The following UHRF1 variants were observed in gnomAD, a reference collection of about 807,000 sequenced individuals.
UHRF1 encodes E3 ubiquitin-protein ligase UHRF1.
UHRF1 carries 9 observed loss-of-function variants against 96.5 expected under a neutral mutation model. That is an observed-to-expected ratio of 0.09 (90% confidence interval 0.06 to 0.16). The LOEUF (loss-of-function observed/expected upper bound fraction) is 0.16. Among genes scored for constraint, UHRF1 ranks in the 10% least tolerant of loss-of-function variants. The pLI, the probability that UHRF1 is intolerant of heterozygous loss-of-function variation, is 1.00. For synonymous variants in UHRF1, 455 were observed against 469.9 expected, an observed-to-expected ratio of 0.97 and a Z score of 0.41; for missense variants, 626 against 1,131.1, an observed-to-expected ratio of 0.55 and a Z score of 6.40.
At chr19:4,948,101 C>CA (rs545933981) in intron 11 of UHRF1, among the ~76,000 whole-genome samples, 2,481 of 74,994 alleles carry the variant, frequency 0.033, 69 homozygotes, top group East Asian at 0.14. Context: ...GAGATCTTGT[C>CA]AAAAAAAAAA....
chr19:4,935,755 G>T (rs1279544934), intron 5 of UHRF1, among the ~76,000 whole-genome samples: 1 of 152,078 alleles, frequency 6.6e-6, no homozygotes, highest in Non-Finnish European at 1.5e-5. Flanking sequence ...TATTTTATGG[G>T]TTAGGTTTAA....
chr19:4,903,100 C>T (rs1343550193), exon 1 of UHRF1: 3 of 422,570 alleles, frequency 7.1e-6, no homozygotes, highest in Non-Finnish European at 1.3e-5. Flanking sequence ...CATCTTGGCT[C>T]ACTGCAACCT....
intron 7 of UHRF1, among the ~76,000 whole-genome samples, chr19:4,942,260 A>G (rs887247632): frequency 1.3e-5 from 2 of 150,878 alleles, no homozygotes; most frequent in African/African-American, 4.9e-5. Context: ...GCGCGATCTC[A>G]GCTCACTGCA....
chr19:4,908,993 A>G (rs2032138773), upstream of UHRF1, among the ~76,000 whole-genome samples: 1 of 152,104 alleles, frequency 6.6e-6, no homozygotes, highest in Non-Finnish European at 1.5e-5. Flanking sequence ...ACAGCAAACA[A>G]GCCCTGCGGG....
At chr19:4,937,293 CTTTTT>C (rs11411657) in intron 5 of UHRF1, among the ~76,000 whole-genome samples, 1 of 125,440 alleles carries the variant, frequency 8.0e-6, no homozygotes, top group Non-Finnish European at 1.6e-5. Flanking sequence ...AGATGGGCCA[CTTTTT>C]TTTTTTTTTT....
intron 1 of UHRF1, among the ~76,000 whole-genome samples, chr19:4,904,283 AT>A (rs2032016074): frequency 6.6e-6 from 1 of 151,766 alleles, no homozygotes; most frequent in Admixed American, 6.6e-5. Context: ...TGTTCATGCC[AT>A]TCTCCTGCCT....
At chr19:4,946,537 A>G (rs1018649329) in intron 10 of UHRF1, among the ~76,000 whole-genome samples, 2 of 151,494 alleles carry the variant, frequency 1.3e-5, no homozygotes, top group African/African-American at 4.9e-5. Context: ...TATATCCAGA[A>G]GTGGAATTCA....
chr19:4,957,495 A>G (rs2033889312), intron 16 of UHRF1, among the ~76,000 whole-genome samples: 1 of 151,788 alleles, frequency 6.6e-6, no homozygotes, highest in Admixed American at 6.6e-5. Flanking sequence ...TTTTTAGTAG[A>G]GATGGGGTTT....
At chr19:4,953,779 AT>A (rs1294024600) in intron 13 of UHRF1, among the ~76,000 whole-genome samples, 2 of 152,146 alleles carry the variant, frequency 1.3e-5, no homozygotes, top group Non-Finnish European at 2.9e-5. Flanking sequence ...AATATTTTAT[AT>A]TTAGCCTGTA....
At chr19:4,952,842 C>G (rs970520370) in intron 13 of UHRF1, among the ~76,000 whole-genome samples, 20 of 152,116 alleles carry the variant, frequency 1.3e-4, no homozygotes, top group African/African-American at 4.6e-4. Flanking sequence ...CCCGAGTCCT[C>G]AGAATCACCA....
chr19:4,911,067 A>G (rs771060481), intron 2 of UHRF1, 29 bp downstream of exon 2: 9 of 1,521,298 alleles, frequency 5.9e-6, no homozygotes, highest in Non-Finnish European at 8.0e-6. Context: ...CCTTTGTTCT[A>G]TGCCTGGTCC....
chr19:4,932,086 G>A (rs1255198839), intron 4 of UHRF1, among the ~76,000 whole-genome samples: 7 of 152,088 alleles, frequency 4.6e-5, no homozygotes, highest in Admixed American at 1.3e-4. Context: ...GCGCCACCAC[G>A]CCTGGCTAAT....
At chr19:4,960,308 G>A (rs1207521357) in intron 16 of UHRF1, among the ~76,000 whole-genome samples, 1 of 152,210 alleles carries the variant, frequency 6.6e-6, no homozygotes, top group African/African-American at 2.4e-5. Flanking sequence ...GAGAGGTGCC[G>A]TCTTGAAGGC....
chr19:4,937,141 C>T (rs1257337043), intron 5 of UHRF1, among the ~76,000 whole-genome samples: 2 of 151,964 alleles, frequency 1.3e-5, no homozygotes, highest in African/African-American at 2.4e-5. Flanking sequence ...TAAGGATTCC[C>T]GTTATATAAA....
At chr19:4,928,121 C>T (rs1036391758) in intron 2 of UHRF1, among the ~76,000 whole-genome samples, 1 of 152,006 alleles carries the variant, frequency 6.6e-6, no homozygotes, top group Non-Finnish European at 1.5e-5. Context: ...CACCCCATAC[C>T]GTATGATGTC....
At chr19:4,942,002 G>A (rs1246056122) in intron 7 of UHRF1, 71 bp downstream of exon 7, 1 of 1,399,584 alleles carries the variant, frequency 7.1e-7, no homozygotes, top group East Asian at 2.7e-5. Context: ...GCACTGAGGA[G>A]ATACAGGAGA....
In UHRF1 at chr19:4,929,377, G is replaced by A. The variant is rs1346929962; in HGVS notation, c.309G>A (p.Glu103=). Residue 103 remains glutamate (E), a synonymous_variant, in exon 3 of 17, where the codon GAG becomes GAA. Transcript: ENST00000650932. ...TDSGCCLGQS[E]SDKSSTHGEA... ...CCGGCTGCTGCCTGGGCCAGAGTGAGTCAGACAAGTCCTCCACCCACGGTG... is the reference window on the plus strand; with the variant it reads ...CCGGCTGCTGCCTGGGCCAGAGTGAATCAGACAAGTCCTCCACCCACGGTG... The A allele has an allele frequency of 1.9e-6, 3 of 1,613,786 alleles. No homozygotes were observed. In the South Asian group the frequency reaches 3.3e-5, roughly 18 times the overall value.
At chr19:4,934,529 C>G (rs1285374069) in intron 5 of UHRF1, among the ~76,000 whole-genome samples, 1 of 152,114 alleles carries the variant, frequency 6.6e-6, no homozygotes, top group African/African-American at 2.4e-5. Context: ...CTCGGGGGAC[C>G]TCCTAGGAAT....
chr19:4,947,027 G>C lies in UHRF1; in HGVS notation c.1411-78G>C, dbSNP rs1029050238. 3.7e-5 allele frequency: 41 copies of C among 1,100,210 alleles called. 1 individual carries two copies. The South Asian group carries it at 5.5e-4, about 15-fold the overall frequency. The allele number at this position is 1,100,210 out of a possible 1,614,324, so 68.2% of individuals were successfully genotyped here. On this transcript the variant is annotated intron_variant, in intron 10 of 16. Transcript: ENST00000650932. ...GTTTCTTTGAAAGTAGCCATCCTGG[G>C]GAGTTTGCTTTCAATGCAGTCTCTT...
Sources: allele counts gnomAD v4.1 joint callset (sites outside exome capture counted in the v4.1 genomes callset), GRCh38; gene constraint gnomAD v4.1.1; transcripts MANE v1.5; gene names NCBI Gene and HGNC (gene_info 2026-07-23, HGNC 2026-07-21).